The following SORCS2 variants were observed in gnomAD, a reference collection of about 807,000 sequenced individuals.
The protein encoded by SORCS2 is VPS10 domain-containing receptor SorCS2.
SORCS2 carries 100 observed loss-of-function variants against 141.6 expected under a neutral mutation model. The observed-to-expected ratio is 0.71, with a 90% CI of 0.60 to 0.83. The LOEUF is 0.83. SORCS2 is among the 40% of genes least tolerant of loss of function. The pLI, the probability that SORCS2 is intolerant of heterozygous loss-of-function variation, is 0.00. For missense variants in SORCS2, 1,646 were observed against 1,560.2 expected (o/e 1.05, Z -0.93); for synonymous variants, 789 against 676.9 (o/e 1.17, Z -2.57).
At chr4:7,370,487 T>C (rs1722181494) in intron 1 of SORCS2, among the ~76,000 whole-genome samples, 1 of 152,230 alleles carries the variant, frequency 6.6e-6, no homozygotes, top group Non-Finnish European at 1.5e-5. Context: ...CAAAGCTGAG[T>C]AGAGAATTAA....
At chr4:7,584,210 T>C (rs1160570944) in intron 3 of SORCS2, among the ~76,000 whole-genome samples, 1 of 152,194 alleles carries the variant, frequency 6.6e-6, no homozygotes, top group Non-Finnish European at 1.5e-5. Context: ...AACAAATAAT[T>C]GTCATGGATA....
At chr4:7,434,670 T>C (rs1275032788) in intron 2 of SORCS2, 4 of 1,612,728 alleles carry the variant, frequency 2.5e-6, no homozygotes, top group Non-Finnish European at 3.4e-6. Context: ...CGGCGGCTGC[T>C]ATGTCCTGGC....
At chr4:7,703,179 C>T (rs1725191373) in intron 12 of SORCS2, 101 bp from the exon 13 acceptor site, 1 of 921,458 alleles carries the variant, frequency 1.1e-6, no homozygotes. Flanking sequence ...CCAACAACCC[C>T]CGGCTGCACA....
chr4:7,686,686 C>T (rs1486327257), intron 10 of SORCS2, among the ~76,000 whole-genome samples: 2 of 152,248 alleles, frequency 1.3e-5, no homozygotes, highest in Non-Finnish European at 2.9e-5. Flanking sequence ...GCCACCTGTG[C>T]AGGACATCCT....
intron 1 of SORCS2, among the ~76,000 whole-genome samples, chr4:7,340,050 T>C (rs891447111): frequency 1.3e-5 from 2 of 152,172 alleles, no homozygotes; most frequent in African/African-American, 4.8e-5. Flanking sequence ...GAAGGGCCTG[T>C]GGGGCACTGG....
At chr4:7,252,794 AATT>A (rs1223425913) in intron 1 of SORCS2, among the ~76,000 whole-genome samples, 1 of 152,212 alleles carries the variant, frequency 6.6e-6, no homozygotes, top group Admixed American at 6.5e-5. Context: ...GGCTTCTAAA[AATT>A]ATTATAGATG....
chr4:7,564,545 T>A (rs1714829031), intron 3 of SORCS2, among the ~76,000 whole-genome samples: 2 of 152,236 alleles, frequency 1.3e-5, no homozygotes, highest in African/African-American at 4.8e-5. Context: ...CAACTCAGCA[T>A]GTGAGTCTGG....
intron 3 of SORCS2, among the ~76,000 whole-genome samples, chr4:7,597,171 GT>G (rs1452949009): frequency 1.3e-5 from 2 of 149,710 alleles, no homozygotes; most frequent in African/African-American, 2.5e-5. Context: ...GGTTATGGTA[GT>G]AGGGGAGGGG....
chr4:7,410,961 T>TA (rs1334197911), intron 2 of SORCS2, among the ~76,000 whole-genome samples: 1 of 139,682 alleles, frequency 7.2e-6, no homozygotes, highest in East Asian at 2.1e-4. Context: ...TTTTTTTTTT[T>TA]TTTTTTTTTT....
intron 2 of SORCS2, among the ~76,000 whole-genome samples, chr4:7,401,112 T>C (rs1298291477): frequency 6.6e-6 from 1 of 151,786 alleles, no homozygotes; most frequent in African/African-American, 2.4e-5. Context: ...GATGGATAGA[T>C]GGGTGGATGA....
chr4:7,543,659 CCCACCCAT>C (rs1712913178), intron 3 of SORCS2, among the ~76,000 whole-genome samples: 2 of 100,012 alleles, frequency 2.0e-5, no homozygotes, highest in Admixed American at 1.0e-4. Flanking sequence ...CATCCATCCA[CCCACCCAT>C]CCATCCATCC....
intron 12 of SORCS2, among the ~76,000 whole-genome samples, chr4:7,699,316 A>G (rs926491006): frequency 1.3e-5 from 2 of 152,150 alleles, no homozygotes; most frequent in African/African-American, 4.8e-5. Flanking sequence ...CAGAGCCCCA[A>G]GCTAATGAGA....
intron 1 of SORCS2, among the ~76,000 whole-genome samples, chr4:7,395,155 A>G (rs1443305831): frequency 7.1e-6 from 1 of 140,216 alleles, no homozygotes; most frequent in Admixed American, 7.0e-5. Context: ...ACACTGTCCC[A>G]TCTCGGGCAA....
intron 3 of SORCS2, among the ~76,000 whole-genome samples, chr4:7,585,265 G>A (rs1716461023): frequency 6.6e-6 from 1 of 152,198 alleles, no homozygotes; most frequent in South Asian, 2.1e-4. Context: ...AGAATGAGTT[G>A]GGCTAAAACC....
chr4:7,730,441 C>A (rs957372781), intron 23 of SORCS2, among the ~76,000 whole-genome samples: 5 of 152,222 alleles, frequency 3.3e-5, no homozygotes, highest in African/African-American at 7.2e-5. Flanking sequence ...CAAAAACATA[C>A]ATCCACAGTA....
At position 7,638,423 on chromosome 4, in the gene SORCS2, C is replaced by G; in HGVS notation, c.744C>G (p.Phe248Leu). ...CCTTTCAGAAGCAGCCCATTCCCTT[C>G]TTCGTGGAAACTCTGATTTTCCACC... Reference protein sequence around the residue: ...GATFQKQPIPFFVETLIFHPK... With the variant: ...GATFQKQPIPLFVETLIFHPK... The change falls in exon 4 of 27, where the codon TTC (phenylalanine) becomes TTG (leucine). Residue 248 changes from phenylalanine (F) to leucine (L), a missense_variant. Coordinates refer to ENST00000507866, the MANE Select transcript of SORCS2 (RefSeq NM_020777.3). 3 of 1,604,816 alleles carry G rather than the reference C, an allele frequency of 1.9e-6. No individual in the cohort carries two copies. The highest frequency in any genetic ancestry group is 2.6e-6 in the Non-Finnish European group (3 of 1,176,330).
chr4:7,285,812 T>G (rs991751255), intron 1 of SORCS2, among the ~76,000 whole-genome samples: 2 of 151,830 alleles, frequency 1.3e-5, no homozygotes, highest in Non-Finnish European at 2.9e-5. Context: ...GGTGCGGGAG[T>G]GTGTGGGCCC....
At chr4:7,378,190 T>G (rs1353162224) in intron 1 of SORCS2, among the ~76,000 whole-genome samples, 1 of 152,284 alleles carries the variant, frequency 6.6e-6, no homozygotes, top group East Asian at 1.9e-4. Context: ...ATGAATTTGG[T>G]GTCTGAAAGT....
intron 2 of SORCS2, among the ~76,000 whole-genome samples, chr4:7,416,506 G>T (rs575555078): frequency 1.3e-5 from 2 of 151,574 alleles, no homozygotes; most frequent in South Asian, 4.1e-4. Context: ...AGACACGCAC[G>T]CTTCCTCCTC....
Sources: gnomAD v4.1 joint callset for allele counts (sites outside exome capture counted in the v4.1 genomes callset) on GRCh38, gnomAD v4.1.1 for gene constraint, MANE v1.5 for transcripts, NCBI Gene and HGNC (gene_info 2026-07-23, HGNC 2026-07-21) for gene names.